GABRA3: variants seen among roughly 807,000 people sequenced by gnomAD.
GABRA3 encodes gamma-aminobutyric acid receptor subunit alpha-3.
GABRA3 carries 10 observed loss-of-function variants against 30.1 expected under a neutral mutation model. The observed-to-expected ratio is 0.33, with a 90% CI of 0.20 to 0.56. GABRA3 has a LOEUF of 0.56. Among genes scored for constraint, GABRA3 ranks in the 20% least tolerant of loss-of-function variants. The pLI is 0.89. For missense variants in GABRA3, 233 were observed against 392.0 expected (o/e 0.59, Z 3.42); for synonymous variants, 151 against 146.8 (o/e 1.03, Z -0.21).
At chrX:152,200,057 C>T (rs187235386) in intron 7 of GABRA3, among the ~76,000 whole-genome samples, 35 of 112,045 alleles carry the variant, frequency 3.1e-4, no homozygotes, top group African/African-American at 1.1e-3. Flanking sequence ...CATAGTACAG[C>T]TGCCAGAAAT....
intron 4 of GABRA3, among the ~76,000 whole-genome samples, chrX:152,265,167 C>A (rs1204241184): frequency 9.0e-6 from 1 of 111,384 alleles, no homozygotes; most frequent in Non-Finnish European, 1.9e-5. Flanking sequence ...ATTTACAGAT[C>A]TTTTCCTCCA....
At chrX:152,260,642 A>C (rs2124417739) in intron 4 of GABRA3, among the ~76,000 whole-genome samples, 1 of 112,087 alleles carries the variant, frequency 8.9e-6, no homozygotes, top group African/African-American at 3.2e-5. Flanking sequence ...ACATTAAGGC[A>C]GAATCTCTAA....
intron 4 of GABRA3, among the ~76,000 whole-genome samples, chrX:152,256,792 A>T (rs1300392180): frequency 8.9e-6 from 1 of 112,051 alleles, no homozygotes; most frequent in African/African-American, 3.2e-5. Flanking sequence ...CTGAAAGCAG[A>T]CAGAAACCTA....
chrX:152,173,809 C>CT (rs1327275942), intron 9 of GABRA3, among the ~76,000 whole-genome samples: 1 of 109,984 alleles, frequency 9.1e-6, no homozygotes, highest in Admixed American at 9.7e-5. Flanking sequence ...TATTATTATA[C>CT]TTTAAGTTTT....
intron 5 of GABRA3, among the ~76,000 whole-genome samples, chrX:152,225,137 C>G (rs1350981282): frequency 9.1e-6 from 1 of 109,752 alleles, no homozygotes. Flanking sequence ...GACACCCCCC[C>G]CAAGAAGCCT....
intron 3 of GABRA3, among the ~76,000 whole-genome samples, chrX:152,341,828 C>A (rs1226906457): frequency 3.6e-5 from 4 of 111,140 alleles, no homozygotes; most frequent in African/African-American, 1.3e-4. Flanking sequence ...GCATGAGCCA[C>A]CATGCCCAGC....
chrX:152,282,484 C>T (rs144635784), intron 4 of GABRA3, among the ~76,000 whole-genome samples: 2,641 of 112,012 alleles, frequency 0.024, 39 homozygotes, highest in Middle Eastern at 0.07. Flanking sequence ...AGCTATTCTG[C>T]CTTGTGACTG....
chrX:152,417,074 C>T (rs1328905434), intron 1 of GABRA3, among the ~76,000 whole-genome samples: 2 of 103,534 alleles, frequency 1.9e-5, no homozygotes, highest in Non-Finnish European at 3.9e-5. Context: ...AAACTACCAT[C>T]AGAGTGAACA....
intron 5 of GABRA3, among the ~76,000 whole-genome samples, chrX:152,226,043 T>C (rs756401362): frequency 9.0e-6 from 1 of 111,333 alleles, no homozygotes; most frequent in Non-Finnish European, 1.9e-5. Context: ...CTCACTTCTA[T>C]GCAATTACCA....
chrX:152,439,593 T>C (rs1569425326), intron 1 of GABRA3, among the ~76,000 whole-genome samples: 1 of 110,596 alleles, frequency 9.0e-6, no homozygotes, highest in African/African-American at 3.3e-5. Flanking sequence ...ACCCCAGGAG[T>C]CCCCTTCTAG....
chrX:152,398,050 C>T, intron 1 of GABRA3, among the ~76,000 whole-genome samples: 1 of 111,509 alleles, frequency 9.0e-6, no homozygotes, highest in Middle Eastern at 4.6e-3. Context: ...TAATCTCTTC[C>T]CTCAGGATCA....
intron 5 of GABRA3, among the ~76,000 whole-genome samples, chrX:152,235,079 A>G (rs781772606): frequency 4.5e-5 from 5 of 111,748 alleles, no homozygotes; most frequent in African/African-American, 1.6e-4. Flanking sequence ...CATTTTAACA[A>G]TTTTGACTCT....
intron 1 of GABRA3, among the ~76,000 whole-genome samples, chrX:152,420,570 A>T (rs1215080040): frequency 2.7e-5 from 3 of 111,407 alleles, no homozygotes; most frequent in African/African-American, 6.5e-5. Context: ...GAACACTACA[A>T]TTTGTAAAAA....
intron 4 of GABRA3, among the ~76,000 whole-genome samples, chrX:152,260,474 T>C (rs748977038): frequency 9.0e-6 from 1 of 110,995 alleles, no homozygotes; most frequent in Non-Finnish European, 1.9e-5. Flanking sequence ...AGCACAGTCA[T>C]AGTGGTGGTG....
At chrX:152,329,837 A>G (rs1940133051) in intron 3 of GABRA3, among the ~76,000 whole-genome samples, 1 of 112,034 alleles carries the variant, frequency 8.9e-6, no homozygotes, top group African/African-American at 3.2e-5. Context: ...AAAAGCCAAA[A>G]TCGAAAAATG....
At chrX:152,415,392 T>C (rs1008773072) in intron 1 of GABRA3, among the ~76,000 whole-genome samples, 4 of 111,490 alleles carry the variant, frequency 3.6e-5, no homozygotes, top group African/African-American at 9.7e-5. Context: ...ATTACAATTA[T>C]GTAATATTAT....
chrX:152,169,122 T>G (rs968353658), intron 9 of GABRA3, among the ~76,000 whole-genome samples: 7 of 112,309 alleles, frequency 6.2e-5, no homozygotes, highest in Non-Finnish European at 1.1e-4. Flanking sequence ...CCGGACACTT[T>G]TTGGTTACCC....
At chrX:152,183,898 T>C (rs538768812) in intron 9 of GABRA3, among the ~76,000 whole-genome samples, 2 of 111,673 alleles carry the variant, frequency 1.8e-5, no homozygotes, top group African/African-American at 6.5e-5. Flanking sequence ...TTTCATACTA[T>C]TGTGGTTGGG....
intron 3 of GABRA3, among the ~76,000 whole-genome samples, chrX:152,300,767 A>G (rs1210666327): frequency 8.9e-6 from 1 of 112,344 alleles, no homozygotes; most frequent in Non-Finnish European, 1.9e-5. Flanking sequence ...GGCGATCTCA[A>G]TAGCAGAACA....
Sources: gnomAD v4.1 joint callset for allele counts (sites outside exome capture counted in the v4.1 genomes callset) on GRCh38, gnomAD v4.1.1 for gene constraint, MANE v1.5 for transcripts, NCBI Gene and HGNC (gene_info 2026-07-23, HGNC 2026-07-21) for gene names.